MTIF2: variants seen among roughly 807,000 people sequenced by gnomAD.
MTIF2 encodes mitochondrial translational initiation factor 2, also known as translation initiation factor IF-2, mitochondrial.
A neutral mutation model predicts 83.5 loss-of-function variants in MTIF2; 71 were observed. That is an observed-to-expected ratio of 0.85 (90% CI 0.70 to 1.04). The LOEUF (loss-of-function observed/expected upper bound fraction) is 1.04, where lower values mean the gene tolerates loss of function less well. Among genes scored for constraint, MTIF2 ranks in the 50% least tolerant of loss-of-function variants. The probability of loss-of-function intolerance (pLI) is 0.00; values close to 1 mark genes in which losing one functional copy is unlikely to be tolerated. For synonymous variants in MTIF2, 319 were observed against 287.1 expected, an observed-to-expected ratio of 1.11 and a Z score of -1.12; for missense variants, 957 against 846.5, an observed-to-expected ratio of 1.13 and a Z score of -1.62.
chr2:55,237,362 C>T lies in MTIF2; in HGVS notation c.1937G>A (p.Cys646Tyr), dbSNP rs755320171. ...TTCTAACTGTCCCTTTTGGACTCTG[C>T]AGCCAGCCACAGGAACTTTTTTCTT... ...EGKKKVPVAG[C>Y]RVQKGQLEKQ... Residue 646 changes from cysteine (C) to tyrosine (Y), a missense_variant, in exon 15 of 16, where the codon TGC becomes TAC. Coordinates refer to ENST00000263629, the MANE Select transcript of MTIF2 (RefSeq NM_002453.3). The T allele has an allele frequency of 6.2e-7, 1 of 1,612,858 alleles. No individual in the cohort carries two copies. The highest frequency in any genetic ancestry group is 8.5e-7 in the Non-Finnish European group (1 of 1,179,838).
At position 55,254,732 on chromosome 2, in the gene MTIF2, A is replaced by G; in HGVS notation, c.425T>C (p.Ile142Thr). Residue 142 changes from isoleucine to threonine, a missense_variant, in exon 6 of 16, where the codon ATA becomes ACA. By Grantham distance (89) the Ile-to-Thr change is moderately conservative. Around this residue, in one of 3 missense-constraint regions of MTIF2, gnomAD observed 733 missense variants for 648.7 expected, o/e 1.13. Coordinates refer to ENST00000263629, the MANE Select transcript of MTIF2 (RefSeq NM_002453.3). ...HLDEVWIKEV[I>T]TKAGMKLKWS... Reference sequence around the variant, plus strand: ...CTTTAACTTCATCCCTGCCTTCGTTATCACTTCTTTGATCCAGACTTCATC... The same window carrying G: ...CTTTAACTTCATCCCTGCCTTCGTTGTCACTTCTTTGATCCAGACTTCATC... The G allele has an allele frequency of 6.2e-7, 1 of 1,611,178 alleles. No homozygotes were observed. Among genetic ancestry groups the G allele is most frequent in the South Asian group, 1.1e-5 (1 of 90,638 alleles).
intron 5 of MTIF2, among the ~76,000 whole-genome samples, chr2:55,260,504 T>C (rs1046209476): frequency 1.4e-4 from 22 of 152,144 alleles, no homozygotes; most frequent in African/African-American, 5.1e-4. Flanking sequence ...AGGAAACACA[T>C]TGAAGTTTAG....
intron 4 of MTIF2, 127 bp downstream of exon 4, chr2:55,263,512 AG>A: frequency 1.5e-6 from 1 of 656,034 alleles, no homozygotes; most frequent in South Asian, 2.0e-5. Context: ...CAGGAGGCTG[AG>A]GCAGGAGAAT....
At chr2:55,265,962 A>AT (rs1678399232) in intron 3 of MTIF2, among the ~76,000 whole-genome samples, 1 of 152,208 alleles carries the variant, frequency 6.6e-6, no homozygotes, top group Non-Finnish European at 1.5e-5. Context: ...ATTAGGTATC[A>AT]TAAGTAATCT....
intron 7 of MTIF2, 112 bp downstream of exon 7, chr2:55,253,929 C>G (rs966442575): frequency 2.6e-6 from 3 of 1,158,314 alleles, no homozygotes; most frequent in African/African-American, 1.6e-5. Flanking sequence ...CTAATGACTG[C>G]AAGCTTTAGC....
intron 10 of MTIF2, among the ~76,000 whole-genome samples, chr2:55,244,720 G>C (rs140877082): frequency 1.3e-5 from 2 of 151,944 alleles, no homozygotes; most frequent in Non-Finnish European, 2.9e-5. Context: ...TTTGAGACCA[G>C]CTAGGGCAAC....
chr2:55,243,767 A>G (rs1676494650), intron 11 of MTIF2, 99 bp from the exon 12 acceptor site: 3 of 1,280,732 alleles, frequency 2.3e-6, no homozygotes, highest in Non-Finnish European at 3.2e-6. Context: ...AGCTTAACTC[A>G]TGTATGAAAC....
At chr2:55,266,324 C>T (rs757097726) in intron 3 of MTIF2, 2 of 151,868 alleles carry the variant, frequency 1.3e-5, no homozygotes, top group Non-Finnish European at 2.9e-5. Flanking sequence ...AGGAGTTCGA[C>T]GCCAGCCTGA....
In MTIF2 at chr2:55,249,454, C is replaced by G. The variant is rs769363395; in HGVS notation, c.922G>C (p.Asp308His). ...CCTCCATAATCTTCACATACCACAT[C>G]GTAAGCCAGCAGCTCTTTTTTCACT... ...EKVKKELLAY[D>H]VVCEDYGGDV... The change falls in exon 9 of 16, where the codon GAT (aspartate) becomes CAT (histidine). Residue 308 changes from aspartate (D) to histidine (H), a missense_variant. Physicochemically the swap from Asp to His is moderately conservative, Grantham distance 81. Around this residue, in one of 3 missense-constraint regions of MTIF2, gnomAD observed 733 missense variants for 648.7 expected, o/e 1.13. Transcript: ENST00000263629. The G allele has an allele frequency of 1.6e-5, 26 of 1,614,162 alleles. No homozygotes were observed. The highest frequency in any genetic ancestry group is 2.2e-5 in the Non-Finnish European group (26 of 1,180,022).
At chr2:55,260,727 A>T (rs917664523) in intron 5 of MTIF2, among the ~76,000 whole-genome samples, 4 of 152,158 alleles carry the variant, frequency 2.6e-5, no homozygotes, top group Admixed American at 2.6e-4. Context: ...ACCTAACTTT[A>T]GGGCATTGTG....
At chr2:55,252,327 A>G in intron 8 of MTIF2, 150 bp downstream of exon 8, 1 of 651,880 alleles carries the variant, frequency 1.5e-6, no homozygotes, top group South Asian at 2.3e-5. Flanking sequence ...ATTAGTTATA[A>G]GTCTGTGGGA....
chr2:55,246,457 T>C lies in MTIF2; in HGVS notation c.986A>G (p.Asp329Gly). Residue 329 changes from aspartate (D) to glycine (G), a missense_variant, in exon 10 of 16, where the codon GAT (aspartate) becomes GGT (glycine). Physicochemically the swap from Asp to Gly is moderately conservative, Grantham distance 94 (BLOSUM62 -1). Transcript: ENST00000263629. ...QAVPVSALTG[D>G]NLMALAEATV... is the part of the protein sequence containing the mutation. ...TGCTTCTGCCAAAGCCATCAGATTATCGCCCTTTAACAATAACAAACGTTG... is the reference window on the plus strand; with the variant it reads ...TGCTTCTGCCAAAGCCATCAGATTACCGCCCTTTAACAATAACAAACGTTG... 6.2e-7 allele frequency: 1 copy of C among 1,613,550 alleles called. No individual in the cohort carries two copies. Among genetic ancestry groups the C allele is most frequent in the Non-Finnish European group, 8.5e-7 (1 of 1,179,596 alleles).
Position 55,236,805 on chromosome 2 carries a change from A to G in MTIF2, c.2027T>C (p.Leu676Ser), listed in dbSNP as rs1675854969. The change falls in exon 16 of 16, where the codon TTG becomes TCG. Residue 676 changes from leucine (L) to serine (S), a missense_variant. Coordinates refer to ENST00000263629, the MANE Select transcript of MTIF2 (RefSeq NM_002453.3). Reference sequence around the variant, plus strand: ...TGAAATGTCATCTTTATGGTGTTTCAATGAGGTTAATGAGCCTTAAAAAAG... The same window carrying G: ...TGAAATGTCATCTTTATGGTGTTTCGATGAGGTTAATGAGCCTTAAAAAAG... ...HVIWKGSLTS[L>S]KHHKDDISIV... 1 of 1,587,986 alleles carries G rather than the reference A, an allele frequency of 6.3e-7. No homozygotes were observed. Among genetic ancestry groups the G allele is most frequent in the Non-Finnish European group, 8.5e-7 (1 of 1,173,386 alleles).
chr2:55,262,007 T>C (rs1206706316), intron 5 of MTIF2, among the ~76,000 whole-genome samples: 1 of 149,844 alleles, frequency 6.7e-6, no homozygotes, highest in East Asian at 2.0e-4. Flanking sequence ...TATATAAGTA[T>C]AGCCCCTCAG....
At chr2:55,237,552 A>T (rs1305287436) in intron 14 of MTIF2, 124 bp from the exon 15 acceptor site, 1 of 850,598 alleles carries the variant, frequency 1.2e-6, no homozygotes, top group African/African-American at 1.8e-5. Flanking sequence ...CCTAGAAAAA[A>T]GTCTGGGTTT....
chr2:55,248,611 T>C (rs903744822), intron 9 of MTIF2, among the ~76,000 whole-genome samples: 7 of 152,210 alleles, frequency 4.6e-5, no homozygotes, highest in African/African-American at 1.7e-4. Flanking sequence ...AAAGAATAGA[T>C]GGTAATCTTA....
Position 55,236,785 on chromosome 2 carries a change from TG to T in MTIF2, c.2046del (p.Asp682GlufsTer15). 6.2e-7 allele frequency: 1 copy of T among 1,608,878 alleles called. No homozygotes were observed. ...TCCATTCCCGTTTTGACAATTGAAATGTCATCTTTATGGTGTTTCAATGAGG... is the reference window on the plus strand; with the variant it reads ...TCCATTCCCGTTTTGACAATTGAAATTCATCTTTATGGTGTTTCAATGAGG... ...SLTSLKHHKD[D>X]ISIVKTGMDC... On this transcript the variant is annotated frameshift_variant, in exon 16 of 16. Coordinates refer to ENST00000263629, the MANE Select transcript of MTIF2 (RefSeq NM_002453.3). LOFTEE classifies it high-confidence loss of function.
intron 10 of MTIF2, 48 bp downstream of exon 10, chr2:55,246,289 C>A: frequency 1.3e-6 from 2 of 1,532,548 alleles, no homozygotes. Context: ...AATCAAGTCA[C>A]GAAAACCACA....
intron 3 of MTIF2, among the ~76,000 whole-genome samples, chr2:55,266,933 C>G (rs1047319677): frequency 1.3e-5 from 2 of 151,852 alleles, no homozygotes; most frequent in African/African-American, 4.8e-5. Context: ...CCGTGTCAGG[C>G]TAATTTTTGT....
Sources: gnomAD v4.1 joint callset for allele counts (sites outside exome capture counted in the v4.1 genomes callset) on GRCh38, gnomAD v4.1.1 for gene constraint, gnomAD v4.1.1 regional missense constraint, MANE v1.5 for transcripts, NCBI Gene and HGNC (gene_info 2026-07-23, HGNC 2026-07-21) for gene names.